EDIL3: variants seen among roughly 807,000 people sequenced by gnomAD.
The protein encoded by EDIL3 is EGF like and discoidin domains 3, also known as EGF-like repeat and discoidin I-like domain-containing protein 3.
A neutral mutation model predicts 67.4 loss-of-function variants in EDIL3; 37 were observed. The ratio of observed to expected loss-of-function variants is 0.55; its 90% CI spans 0.42 to 0.72. The LOEUF (loss-of-function observed/expected upper bound fraction) is 0.72, where lower values mean the gene tolerates loss of function less well. EDIL3 is among the 30% of genes least tolerant of loss of function. The pLI is 0.00. For missense variants in EDIL3, 527 were observed against 586.3 expected, an observed-to-expected ratio of 0.90 and a Z score of 1.04; for synonymous variants, 195 against 196.3, an observed-to-expected ratio of 0.99 and a Z score of 0.05.
chr5:84,185,747 T>C (rs766972809), intron 3 of EDIL3, among the ~76,000 whole-genome samples: 1 of 152,148 alleles, frequency 6.6e-6, no homozygotes, highest in Non-Finnish European at 1.5e-5. Flanking sequence ...GTCTCTAATA[T>C]GGTTTAAGCT....
Position 84,187,200 on chromosome 5 carries a change from AT to A in EDIL3, c.227-6680del, listed in dbSNP as rs200317389. Among the ~76,000 whole-genome samples the A allele has an allele frequency of 7.0e-3, 1,065 of 152,180 alleles. 16 individuals are homozygous for A. Among genetic ancestry groups the A allele is most frequent in the African/African-American group, 0.025 (1,019 of 41,558 alleles). ...GAATTCAACAGCATGCTTTCCAGGC[AT>A]TTTTTATGCAAGCTCATATAAGTAT... On this transcript the variant is annotated intron_variant, in intron 3 of 10. Coordinates refer to ENST00000296591, the MANE Select transcript of EDIL3 (RefSeq NM_005711.5).
intron 1 of EDIL3, among the ~76,000 whole-genome samples, chr5:84,287,226 TA>T (rs1745825791): frequency 6.6e-6 from 1 of 152,162 alleles, no homozygotes; most frequent in African/African-American, 2.4e-5. Flanking sequence ...ATCTAATTTC[TA>T]AAGAAAAATG....
At chr5:84,229,730 T>C (rs562381522) in intron 3 of EDIL3, 125 bp downstream of exon 3, 2 of 965,462 alleles carry the variant, frequency 2.1e-6, no homozygotes, top group Non-Finnish European at 3.1e-6. Flanking sequence ...TAAAAGTAAA[T>C]AAATAAACAA....
intron 1 of EDIL3, among the ~76,000 whole-genome samples, chr5:84,373,670 A>G (rs1243779473): frequency 6.6e-6 from 1 of 152,170 alleles, no homozygotes; most frequent in Non-Finnish European, 1.5e-5. Context: ...TAAGTGGGTA[A>G]ATACTTCTGG....
At chr5:83,961,072 C>T (rs913522621) in intron 10 of EDIL3, among the ~76,000 whole-genome samples, 43 of 150,834 alleles carry the variant, frequency 2.9e-4, no homozygotes, top group African/African-American at 1.0e-3. Flanking sequence ...TGGAGTTAAT[C>T]GATATCTATT....
At chr5:83,988,765 GTCAAAACAT>G (rs1745097664) in intron 9 of EDIL3, among the ~76,000 whole-genome samples, 1 of 152,010 alleles carries the variant, frequency 6.6e-6, no homozygotes, top group Admixed American at 6.6e-5. Flanking sequence ...TTTATATCTA[GTCAAAACAT>G]GTTTGTTCCT....
At chr5:84,332,447 T>C (rs963317080) in intron 1 of EDIL3, among the ~76,000 whole-genome samples, 1 of 152,280 alleles carries the variant, frequency 6.6e-6, no homozygotes, top group East Asian at 1.9e-4. Context: ...TTGAAAACAA[T>C]TTCAGAGGCT....
chr5:84,374,835 G>A (rs1445815780), intron 1 of EDIL3, among the ~76,000 whole-genome samples: 2 of 152,042 alleles, frequency 1.3e-5, no homozygotes, highest in African/African-American at 2.4e-5. Flanking sequence ...TTGCTGCCAC[G>A]TGAAGAAGGT....
intron 1 of EDIL3, among the ~76,000 whole-genome samples, chr5:84,273,417 C>G (rs1342647213): frequency 6.6e-6 from 1 of 152,136 alleles, no homozygotes; most frequent in Non-Finnish European, 1.5e-5. Flanking sequence ...CCTAGCTTTC[C>G]CACATACTTA....
intron 9 of EDIL3, among the ~76,000 whole-genome samples, chr5:83,993,713 T>C (rs1462698031): frequency 6.6e-6 from 1 of 152,184 alleles, no homozygotes; most frequent in South Asian, 2.1e-4. Context: ...TTATGGCCTG[T>C]TTTTGTAAAC....
intron 3 of EDIL3, among the ~76,000 whole-genome samples, chr5:84,194,876 A>C (rs1743670933): frequency 6.6e-6 from 1 of 152,032 alleles, no homozygotes; most frequent in Non-Finnish European, 1.5e-5. Flanking sequence ...CCTTCACGAA[A>C]GTTATTAGAC....
chr5:83,974,261 G>T (rs979800418), intron 9 of EDIL3, among the ~76,000 whole-genome samples: 1 of 151,640 alleles, frequency 6.6e-6, no homozygotes, highest in African/African-American at 2.4e-5. Flanking sequence ...AAGGGGCATG[G>T]CCTCTTAGAA....
At chr5:84,092,303 T>A (rs1214056615) in intron 6 of EDIL3, among the ~76,000 whole-genome samples, 2 of 152,186 alleles carry the variant, frequency 1.3e-5, no homozygotes, top group Non-Finnish European at 2.9e-5. Context: ...GTAATATTCA[T>A]GAAACAAATG....
intron 5 of EDIL3, among the ~76,000 whole-genome samples, chr5:84,118,125 C>T (rs1373707123): frequency 6.6e-6 from 1 of 152,006 alleles, no homozygotes; most frequent in Non-Finnish European, 1.5e-5. Flanking sequence ...TTTTACCTTA[C>T]ATTAGTAAGA....
chr5:84,380,509 C>G lies in EDIL3; in HGVS notation c.67+3799G>C, dbSNP rs150935545. 3.6e-3 allele frequency among the ~76,000 whole-genome samples: 546 copies of G among 152,206 alleles called. 5 individuals are homozygous for G. The highest frequency in any genetic ancestry group is 0.013 in the African/African-American group (522 of 41,554). ...CTTGAACTGAGTTCTGAAGCCTGCACTGTTTCTTTGGAAGAGATACAATGA... is the reference window on the plus strand; with the variant it reads ...CTTGAACTGAGTTCTGAAGCCTGCAGTGTTTCTTTGGAAGAGATACAATGA... On this transcript the variant is annotated intron_variant, in intron 1 of 10. Transcript: ENST00000296591.
intron 5 of EDIL3, among the ~76,000 whole-genome samples, chr5:84,109,738 A>C (rs1747526380): frequency 6.6e-6 from 1 of 152,148 alleles, no homozygotes; most frequent in African/African-American, 2.4e-5. Flanking sequence ...CAACAGTTGC[A>C]TACCACACTC....
At chr5:83,943,797 CTAT>C (rs1231769043) in intron 10 of EDIL3, among the ~76,000 whole-genome samples, 1 of 151,702 alleles carries the variant, frequency 6.6e-6, no homozygotes, top group African/African-American at 2.4e-5. Flanking sequence ...ATTCATAGGT[CTAT>C]CATTTTCCTC....
chr5:84,184,052 G>T (rs1476766097), intron 3 of EDIL3, among the ~76,000 whole-genome samples: 1 of 152,202 alleles, frequency 6.6e-6, no homozygotes, highest in Non-Finnish European at 1.5e-5. Context: ...GTTGCAGTGA[G>T]CCAAGATCGT....
At chr5:84,006,556 T>C (rs192957905) in intron 9 of EDIL3, among the ~76,000 whole-genome samples, 1 of 152,188 alleles carries the variant, frequency 6.6e-6, no homozygotes, top group East Asian at 1.9e-4. Context: ...CAACAATAGA[T>C]ACCAGGGCCT....
Sources: gnomAD v4.1 joint callset for allele counts (sites outside exome capture counted in the v4.1 genomes callset) on GRCh38, gnomAD v4.1.1 for gene constraint, MANE v1.5 for transcripts, NCBI Gene and HGNC (gene_info 2026-07-23, HGNC 2026-07-21) for gene names.